RAP1GAP: variants seen among roughly 807,000 people sequenced by gnomAD.
RAP1GAP encodes the protein RAP1 GTPase activating protein, also known as rap1 GTPase-activating protein 1.
A neutral mutation model predicts 87.2 loss-of-function variants in RAP1GAP; 35 were observed. The observed-to-expected ratio is 0.40, with a 90% CI of 0.31 to 0.53. The LOEUF is 0.53. Ranked by LOEUF, RAP1GAP falls within the 20% of genes least tolerant of loss-of-function variation. The pLI is 0.48. For synonymous variants in RAP1GAP, 375 were observed against 363.9 expected (o/e 1.03, Z -0.35); for missense variants, 734 against 898.9 (o/e 0.82, Z 2.35).
intron 2 of RAP1GAP, among the ~76,000 whole-genome samples, chr1:21,639,195 G>A (rs1209544796): frequency 6.6e-6 from 1 of 152,220 alleles, no homozygotes; most frequent in Non-Finnish European, 1.5e-5. Context: ...GCTGCCCCAG[G>A]CTGGCAGGTG....
At position 21,669,334 on chromosome 1, in the gene RAP1GAP, C is replaced by T. The variant is rs891198028; in HGVS notation, c.-229G>A. 5.6e-6 allele frequency: 6 copies of T among 1,079,280 alleles called. No homozygotes were observed. Among genetic ancestry groups the T allele is most frequent in the African/African-American group, 5.2e-5 (3 of 57,660 alleles). The allele number at this position is 1,079,280 out of a possible 1,614,324, so 66.9% of individuals were successfully genotyped here. A position where few individuals can be genotyped will look rare whatever the true frequency, so the allele number is the denominator to read the frequency against. On this transcript the variant is annotated 5_prime_UTR_variant, in exon 1 of 25. Coordinates refer to ENST00000374765, the MANE Select transcript of RAP1GAP (RefSeq NM_002885.4). The surrounding 1 kb of genome is among the most constrained non-coding windows in gnomAD (Gnocchi z 5.6). ...CGCTGCAGCTCTGCTCAGATGCGGCCGGCGCTCGCCGCCGCCGCAGTTCGG... is the reference window on the plus strand; with the variant it reads ...CGCTGCAGCTCTGCTCAGATGCGGCTGGCGCTCGCCGCCGCCGCAGTTCGG...
chr1:21,613,051 G>A lies in RAP1GAP; in HGVS notation c.528+125C>T. 1.9e-6 allele frequency: 2 copies of A among 1,073,982 alleles called. No individual in the cohort carries two copies. Among genetic ancestry groups the A allele is most frequent in the South Asian group, 1.4e-5 (1 of 73,960 alleles). The allele number at this position is 1,073,982 out of a possible 1,614,324, so 66.5% of individuals were successfully genotyped here. A position where few individuals can be genotyped will look rare whatever the true frequency, so the allele number is the denominator to read the frequency against. On this transcript the variant is annotated intron_variant, in intron 10 of 24. Transcript: ENST00000374765. The surrounding 1 kb of genome is among the most constrained non-coding windows in gnomAD (Gnocchi z 4.7). ...TTCTGCAAATTGTGGACTTCACAGG[G>A]TTATTGTGAGGATTAAATGAGAGAA... is the stretch of plus-strand genomic sequence containing the variant.
chr1:21,604,546 G>C (rs2072318864), intron 18 of RAP1GAP, among the ~76,000 whole-genome samples: 1 of 152,242 alleles, frequency 6.6e-6, no homozygotes, highest in South Asian at 2.1e-4. Context: ...CTGCTGGCCT[G>C]GTCCTGTCCC....
rs750834547 is a variant in RAP1GAP at position 21,598,401 on chromosome 1, T to C, written c.1878A>G (p.Pro626=). 6.2e-7 allele frequency: 1 copy of C among 1,611,706 alleles called. No individual in the cohort carries two copies. The highest frequency in any genetic ancestry group is 1.1e-5 in the South Asian group (1 of 91,028). The part of the protein sequence containing the change: ...SVSTTSGGSS[P]GPSRSPHPDA... ...GGGGAAGCTGCCTTGTCCTGGTACC[T>C]GGGGAGCTGCCCCCACTAGTGGTGC... Residue 626 remains proline, a splice_region_variant and synonymous_variant, in exon 22 of 25, where the codon CCA becomes CCG. Transcript: ENST00000374765.
At chr1:21,643,796 G>A (rs7541798) in intron 2 of RAP1GAP, among the ~76,000 whole-genome samples, 116,199 of 152,110 alleles carry the variant, frequency 0.76, 44,492 homozygotes, top group Middle Eastern at 0.82. Flanking sequence ...GGACAATCTG[G>A]GGTTCAGAGA....
At chr1:21,643,705 G>C (rs1371822446) in intron 2 of RAP1GAP, among the ~76,000 whole-genome samples, 1 of 152,126 alleles carries the variant, frequency 6.6e-6, no homozygotes, top group African/African-American at 2.4e-5. Context: ...AAATGCAAAT[G>C]CTTAGTTAGA....
intron 1 of RAP1GAP, among the ~76,000 whole-genome samples, chr1:21,652,061 G>A (rs1461781030): frequency 6.6e-6 from 1 of 151,574 alleles, no homozygotes; most frequent in East Asian, 1.9e-4. Context: ...GGGCCCAGCC[G>A]GGCGGGGATT....
chr1:21,617,561 C>T, intron 6 of RAP1GAP, 70 bp from the exon 7 acceptor site: 3 of 1,494,144 alleles, frequency 2.0e-6, no homozygotes, highest in Middle Eastern at 2.4e-4. Context: ...ACCCTCCCAA[C>T]TCAGACCTGG....
intron 18 of RAP1GAP, 88 bp downstream of exon 18, chr1:21,605,978 G>GAA: frequency 7.0e-7 from 1 of 1,437,694 alleles, no homozygotes; most frequent in Non-Finnish European, 9.4e-7. Context: ...GGGCAACAGA[G>GAA]AGAGTTGGAG....
In RAP1GAP at chr1:21,610,225, C is replaced by T. The variant is rs367737815; in HGVS notation, c.894G>A (p.Gln298=). 4 of 1,614,056 alleles carry T rather than the reference C, an allele frequency of 2.5e-6. No homozygotes were observed. The African/African-American group carries it at 4.0e-5, about 16-fold the overall frequency. Residue 298 remains glutamine (Q), a synonymous_variant, in exon 14 of 25, where the codon CAG becomes CAA. Transcript: ENST00000374765. ...IGNDIVAVVF[Q]DENTPFVPDM... is the part of the protein sequence containing the mutation. ...CGGGCACGAAAGGAGTGTTCTCATC[C>T]TGGAAGACCACAGCCACGATGTCGT...
intron 5 of RAP1GAP, 35 bp downstream of exon 5, chr1:21,618,990 C>A (rs368389534): frequency 3.8e-6 from 6 of 1,573,088 alleles, no homozygotes; most frequent in South Asian, 3.5e-5. Flanking sequence ...CCCTCCACCC[C>A]CTAGAGAGGG....
At chr1:21,652,385 C>G (rs1190245727) in intron 1 of RAP1GAP, among the ~76,000 whole-genome samples, 3 of 152,228 alleles carry the variant, frequency 2.0e-5, no homozygotes, top group African/African-American at 7.2e-5. Context: ...GGCCCAGGCC[C>G]TGGCGTACAG....
chr1:21,626,478 G>A, intron 2 of RAP1GAP, 81 bp from the exon 3 acceptor site: 7 of 1,168,564 alleles, frequency 6.0e-6, no homozygotes, highest in Non-Finnish European at 8.9e-6. Context: ...TCTCAGAGCT[G>A]GGGGATGTGA....
chr1:21,642,272 C>G (rs186440890), intron 2 of RAP1GAP, among the ~76,000 whole-genome samples: 1 of 152,236 alleles, frequency 6.6e-6, no homozygotes, highest in South Asian at 2.1e-4. Flanking sequence ...GCACCCACTG[C>G]AGGCGCAGCA....
intron 21 of RAP1GAP, 85 bp downstream of exon 21, chr1:21,599,409 C>T (rs1195427202): frequency 2.0e-5 from 30 of 1,515,938 alleles, no homozygotes; most frequent in African/African-American, 1.8e-4. Context: ...CGCCCAGGCT[C>T]GTGGTTCTAC....
rs1345752045 is a variant in RAP1GAP, at chr1:21,622,175, A to T, written c.-18-2125T>A. On this transcript the variant is annotated intron_variant, in intron 3 of 24. Coordinates refer to ENST00000374765, the MANE Select transcript of RAP1GAP (RefSeq NM_002885.4). The surrounding 1 kb of genome is among the most constrained non-coding windows in gnomAD (Gnocchi z 5.7). ...GCCCCAGGGTCCGGGACCCCAGGGT[A>T]GGGGTGCGCCCCGTGGCCAGTGTCA... 6.6e-6 allele frequency among the ~76,000 whole-genome samples: 1 copy of T among 152,036 alleles called. No individual in the cohort carries two copies. The highest frequency in any genetic ancestry group is 6.5e-5 in the Admixed American group (1 of 15,288).
Position 21,613,256 on chromosome 1 carries a change from T to C in RAP1GAP, c.475-27A>G, listed in dbSNP as rs770191143. 5.2e-6 allele frequency: 8 copies of C among 1,531,660 alleles called. No individual in the cohort carries two copies. In the South Asian group the frequency reaches 9.0e-5, roughly 17 times the overall value. The allele number at this position is 1,531,660 out of a possible 1,614,324, so 94.9% of individuals were successfully genotyped here. The stretch of plus-strand genomic sequence containing the variant: ...TGCAGGAGGAGATAAGGGAGGGGTG[T>C]GAGGTGTGGGGCCAGGGAGGAGAGG... On this transcript the variant is annotated intron_variant, in intron 9 of 24. Transcript: ENST00000374765. This position sits in a 1 kb window ranked among gnomAD's most constrained non-coding sequence, Gnocchi z 4.7.
chr1:21,597,547 A>G, intron 24 of RAP1GAP, 139 bp downstream of exon 24: 1 of 855,432 alleles, frequency 1.2e-6, no homozygotes, highest in East Asian at 2.8e-5. Context: ...TCACCCAGCA[A>G]CTGAGGACCA....
In RAP1GAP at chr1:21,665,143, A is replaced by T. The variant is rs147062320; in HGVS notation, c.-149+4111T>A. On this transcript the variant is annotated intron_variant, in intron 1 of 24. Transcript: ENST00000374765. ...CCTTCTTATCCCTTGAAACATACTC[A>T]TCAGGCAAGTGCTATGATTCCCACT... is the stretch of plus-strand genomic sequence containing the variant. The T allele has an allele frequency of 9.4e-4, 388 of 414,560 alleles. 3 individuals are homozygous for T. The highest frequency in any genetic ancestry group is 6.3e-3 in the African/African-American group (313 of 49,852). 25.7% of individuals were successfully genotyped at this position (414,560 alleles called of 1,614,324 possible).
Sources: allele counts gnomAD v4.1 joint callset (sites outside exome capture counted in the v4.1 genomes callset), GRCh38; gene constraint gnomAD v4.1.1; non-coding constraint Gnocchi (gnomAD v3.1); transcripts MANE v1.5; gene names NCBI Gene and HGNC (gene_info 2026-07-23, HGNC 2026-07-21).